Variants in WDR26 observed in about 807,000 individuals in gnomAD.
The protein encoded by WDR26 is WD repeat-containing protein 26.
WDR26 carries 5 observed loss-of-function variants against 84.1 expected under a neutral mutation model. The ratio of observed to expected loss-of-function variants is 0.06; its 90% CI spans 0.03 to 0.13. The LOEUF (loss-of-function observed/expected upper bound fraction) is 0.13. WDR26 is among the 10% of genes least tolerant of loss of function. The probability of loss-of-function intolerance (pLI) is 1.00; values close to 1 mark genes in which losing one functional copy is unlikely to be tolerated. For synonymous variants in WDR26, 415 were observed against 389.6 expected (o/e 1.07, Z -0.77); for missense variants, 642 against 974.9 (o/e 0.66, Z 4.55).
At chr1:224,414,047 C>G (rs540549107) in intron 6 of WDR26, among the ~76,000 whole-genome samples, 1 of 151,152 alleles carries the variant, frequency 6.6e-6, no homozygotes, top group Non-Finnish European at 1.5e-5. Context: ...CCTGACCTCA[C>G]GTGATCCAGC....
rs1374555104 is a variant in WDR26, at chr1:224,421,375, AG to A, written c.1065-1761del. 4.6e-5 allele frequency among the ~76,000 whole-genome samples: 7 copies of A among 152,322 alleles called. No homozygotes were observed. The East Asian group carries it at 1.2e-3, about 25-fold the overall frequency. ...TGAGGCAGGAGGATCACCTGAGGTC[AG>A]GAGTCCGAGACTAGCCTGGCCAACA... On this transcript the variant is annotated intron_variant, in intron 4 of 13. Coordinates refer to ENST00000414423, the MANE Select transcript of WDR26 (RefSeq NM_001379403.1).
chr1:224,421,402 T>C (rs1042023674), intron 4 of WDR26, among the ~76,000 whole-genome samples: 1 of 152,054 alleles, frequency 6.6e-6, no homozygotes, highest in Non-Finnish European at 1.5e-5. Context: ...CTGGCCAACA[T>C]GGCGAAACCC....
At chr1:224,407,151 A>AAAAAAAAAGAATATATATAT in intron 7 of WDR26, among the ~76,000 whole-genome samples, 1 of 11,876 alleles carries the variant, frequency 8.4e-5, no homozygotes, top group Admixed American at 1.3e-3. Context: ...AAAAAAAAAA[A>AAAAAAAAAGAATATATATAT]ATATATATAT....
At position 224,386,915 on chromosome 1, in the gene WDR26, C is replaced by CTTTTG. The variant is rs1673003690; in HGVS notation, c.*2919_*2920insCAAAA. On this transcript the variant is annotated 3_prime_UTR_variant, in exon 14 of 14. Transcript: ENST00000414423. ...GCTTTGTCATCCCTCCCCACTAACT[C>CTTTTG]CCACTCCAATTCTTTACTACCCACA... The CTTTTG allele has an allele frequency of 6.6e-6, 1 of 152,228 alleles. No individual in the cohort carries two copies. Among genetic ancestry groups the CTTTTG allele is most frequent in the Non-Finnish European group, 1.5e-5 (1 of 68,012 alleles). 9.4% of individuals were successfully genotyped at this position (152,228 alleles called of 1,614,324 possible).
At chr1:224,406,251 G>A (rs1259560528) in intron 7 of WDR26, among the ~76,000 whole-genome samples, 1 of 152,154 alleles carries the variant, frequency 6.6e-6, no homozygotes, top group Non-Finnish European at 1.5e-5. Flanking sequence ...AATCTTCAAA[G>A]ACAACCTCCA....
intron 3 of WDR26, among the ~76,000 whole-genome samples, chr1:224,427,223 G>A (rs185490175): frequency 3.6e-4 from 55 of 151,404 alleles, no homozygotes; most frequent in Admixed American, 1.4e-3. Context: ...GAACTGGCCA[G>A]AGCATGAGAT....
intron 7 of WDR26, among the ~76,000 whole-genome samples, chr1:224,410,742 C>G (rs1423473976): frequency 1.4e-5 from 2 of 144,156 alleles, no homozygotes; most frequent in African/African-American, 5.3e-5. Flanking sequence ...TGTTGCCCAG[C>G]CTTGAGTGTG....
intron 1 of WDR26, among the ~76,000 whole-genome samples, chr1:224,433,362 T>C (rs1487736546): frequency 1.3e-5 from 2 of 152,188 alleles, no homozygotes; most frequent in Admixed American, 6.5e-5. Flanking sequence ...TCTGTCTTTA[T>C]TGACAGACAA....
In WDR26 at chr1:224,424,750, T is replaced by C. The variant is rs936507976; in HGVS notation, c.928-96A>G. ...CAGAACAGTAGAAACCATTCTACTA[T>C]GCCCTTTGAAATAACTTTTTATAAA... On this transcript the variant is annotated intron_variant, in intron 3 of 13. Coordinates refer to ENST00000414423, the MANE Select transcript of WDR26 (RefSeq NM_001379403.1). 2.0e-6 allele frequency: 3 copies of C among 1,506,468 alleles called. 1 individual carries two copies. The highest frequency in any genetic ancestry group is 3.5e-4 in the Middle Eastern group (2 of 5,774). 93.3% of individuals were successfully genotyped at this position (1,506,468 alleles called of 1,614,324 possible). A position where few individuals can be genotyped will look rare whatever the true frequency, so the allele number is the denominator to read the frequency against.
intron 5 of WDR26, 96 bp from the exon 6 acceptor site, chr1:224,418,512 C>A: frequency 8.6e-7 from 1 of 1,167,034 alleles, no homozygotes. Flanking sequence ...TGTTCCTACC[C>A]CAATAGTATC....
At chr1:224,399,267 T>A (rs928299811) in intron 9 of WDR26, among the ~76,000 whole-genome samples, 1 of 152,150 alleles carries the variant, frequency 6.6e-6, no homozygotes, top group Non-Finnish European at 1.5e-5. Flanking sequence ...TGTAGCTCTA[T>A]CTTCCCTTCA....
At position 224,434,717 on chromosome 1, in the gene WDR26, G is replaced by T; in HGVS notation, c.-312C>A. On this transcript the variant is annotated 5_prime_UTR_variant, in exon 1 of 14. Transcript: ENST00000414423. Reference sequence around the variant, plus strand: ...GCGGCGGCGGCGGCGGGCGGCAGCGGAGGCAGCTGCCGCCTCTGTCCTCGG... The same window carrying T: ...GCGGCGGCGGCGGCGGGCGGCAGCGTAGGCAGCTGCCGCCTCTGTCCTCGG... The T allele has an allele frequency of 1.0e-6, 1 of 975,846 alleles. No individual in the cohort carries two copies. The highest frequency in any genetic ancestry group is 1.2e-6 in the Non-Finnish European group (1 of 821,742). 60.4% of individuals were successfully genotyped at this position (975,846 alleles called of 1,614,324 possible).
intron 8 of WDR26, among the ~76,000 whole-genome samples, chr1:224,403,005 T>C (rs1673457585): frequency 6.6e-6 from 1 of 152,180 alleles, no homozygotes. Context: ...AGATATCTAA[T>C]TTACTTTCAA....
intron 12 of WDR26, among the ~76,000 whole-genome samples, chr1:224,394,369 C>A (rs1020641089): frequency 5.9e-5 from 9 of 152,072 alleles, no homozygotes; most frequent in Admixed American, 5.2e-4. Context: ...GCAATGTATC[C>A]AAATTGAATA....
chr1:224,418,217 A>T, intron 6 of WDR26, 43 bp downstream of exon 6: 1 of 1,531,684 alleles, frequency 6.5e-7, no homozygotes, highest in Non-Finnish European at 8.8e-7. Flanking sequence ...AAAATTTTGT[A>T]AAATGTTAGG....
chr1:224,399,303 A>G (rs1673346700), intron 9 of WDR26, among the ~76,000 whole-genome samples: 1 of 152,222 alleles, frequency 6.6e-6, no homozygotes, highest in African/African-American at 2.4e-5. Context: ...TAAATAACAC[A>G]AAGAAAGAAA....
intron 6 of WDR26, 130 bp from the exon 7 acceptor site, chr1:224,411,695 T>G: frequency 9.4e-7 from 1 of 1,061,332 alleles, no homozygotes. Context: ...AGTGAATGCA[T>G]TTGTAAATCT....
At chr1:224,430,262 T>C (rs1407360406) in intron 3 of WDR26, 4 of 152,172 alleles carry the variant, frequency 2.6e-5, no homozygotes, top group African/African-American at 9.7e-5. Flanking sequence ...TCAATTTTAC[T>C]ACAGAATTAT....
chr1:224,414,113 GT>G (rs538928775), intron 6 of WDR26, among the ~76,000 whole-genome samples: 67 of 133,718 alleles, frequency 5.0e-4, no homozygotes, highest in Non-Finnish European at 7.1e-4. Context: ...CGCCCGGCCT[GT>G]TTTTTTTTTT....
Sources: allele counts gnomAD v4.1 joint callset (sites outside exome capture counted in the v4.1 genomes callset), GRCh38; gene constraint gnomAD v4.1.1; transcripts MANE v1.5; gene names NCBI Gene and HGNC (gene_info 2026-07-23, HGNC 2026-07-21).